MAP1A: variants seen among roughly 807,000 people sequenced by gnomAD.
The protein encoded by MAP1A is microtubule-associated protein 1A.
Under a neutral mutation model 185.9 loss-of-function variants are expected in MAP1A, and 42 were observed. The observed-to-expected ratio is 0.23, with a 90% confidence interval of 0.18 to 0.29. MAP1A has a LOEUF of 0.29. Among genes scored for constraint, MAP1A ranks in the 10% least tolerant of loss-of-function variants. MAP1A has a pLI of 1.00. For missense variants in MAP1A, 2,995 were observed against 3,450.4 expected, an observed-to-expected ratio of 0.87 and a Z score of 3.31; for synonymous variants, 1,229 against 1,335.9, an observed-to-expected ratio of 0.92 and a Z score of 1.74.
chr15:43,522,319 G>C lies in MAP1A; in HGVS notation c.846G>C (p.Lys282Asn). The change falls in exon 4 of 6, where the codon AAG becomes AAC. Residue 282 changes from lysine to asparagine, a missense_variant. Coordinates refer to ENST00000300231, the MANE Select transcript of MAP1A (RefSeq NM_002373.6). The surrounding 1 kb of genome is among the most constrained non-coding windows in gnomAD (Gnocchi z 5.9). ...ACAAGATCTTGGAGGGCCTAGAAAA[G>C]CTTCGGCATCTGGACTTCCTGCGTT... ...PQNKILEGLE[K>N]LRHLDFLRYP... 1 of 1,614,200 alleles carries C rather than the reference G, an allele frequency of 6.2e-7. No individual in the cohort carries two copies. Among genetic ancestry groups the C allele is most frequent in the Non-Finnish European group, 8.5e-7 (1 of 1,180,024 alleles).
rs3825791 is a variant in MAP1A at position 43,512,607 on chromosome 15, C to G, written c.340+316C>G. Among the ~76,000 whole-genome samples the G allele has an allele frequency of 6.9e-3, 1,046 of 152,336 alleles. 16 individuals are homozygous for G. The highest frequency in any genetic ancestry group is 0.038 in the East Asian group (197 of 5,180). ...ATCATCTCTCACGCAAAAATTCACT[C>G]TCTTCATTTGTGTTCCCCTTTCTGC... On this transcript the variant is annotated intron_variant, in intron 2 of 6. Coordinates refer to the MAP1A transcript ENST00000382031.
chr15:43,521,022 T>C lies in MAP1A; in HGVS notation c.-241T>C, dbSNP rs139830274. 1.3e-4 allele frequency: 208 copies of C among 1,550,112 alleles called. 2 individuals are homozygous for C. In the African/African-American group the frequency reaches 2.5e-3, roughly 19 times the overall value. On this transcript the variant is annotated 5_prime_UTR_variant, in exon 3 of 6. Coordinates refer to ENST00000300231, the MANE Select transcript of MAP1A (RefSeq NM_002373.6). The surrounding 1 kb of genome is among the most constrained non-coding windows in gnomAD (Gnocchi z 4.6). ...CAGCTTATAAACTACTAATCTTGAG[T>C]GGGCAAAGTTTAGAGCCTGGGGGAG...
chr15:43,516,811 G>C (rs1017363382), upstream of MAP1A, among the ~76,000 whole-genome samples: 1 of 152,170 alleles, frequency 6.6e-6, no homozygotes, highest in Admixed American at 6.5e-5. Context: ...TGCTTGGGCC[G>C]GAGGCCCTGG....
upstream of MAP1A, among the ~76,000 whole-genome samples, chr15:43,513,294 T>A (rs1358775621): frequency 6.6e-6 from 1 of 150,574 alleles, no homozygotes; most frequent in Non-Finnish European, 1.5e-5. Context: ...GCCATTGCAC[T>A]CCAGCCTGGG....
chr15:43,529,245 G>A lies in MAP1A; in HGVS notation c.7772G>A (p.Arg2591Lys), dbSNP rs779215998. ...DPEGLSSESG[R>K]VERLREKEKV... is the part of the protein sequence containing the mutation. ...GAGGGGCTCAGCTCAGAGTCTGGGA[G>A]AGTAGAGAGGCTACGGGAGAAGGAA... Residue 2591 changes from arginine (R) to lysine (K), a missense_variant, in exon 4 of 6, where the codon AGA (arginine) becomes AAA (lysine). By Grantham distance (26) the Arg-to-Lys change is conservative (BLOSUM62 2). This residue lies in a region of MAP1A where 2,728 missense variants were observed against 2,986.0 expected (regional missense o/e 0.91). Coordinates refer to ENST00000300231, the MANE Select transcript of MAP1A (RefSeq NM_002373.6). This position sits in a 1 kb window ranked among gnomAD's most constrained non-coding sequence, Gnocchi z 4.3. 15 of 1,613,212 alleles carry A rather than the reference G, an allele frequency of 9.3e-6. No individual in the cohort carries two copies. In the East Asian group the frequency reaches 2.9e-4, roughly 31 times the overall value.
chr15:43,519,018 A>G (rs529858033), intron 1 of MAP1A, among the ~76,000 whole-genome samples: 1 of 152,250 alleles, frequency 6.6e-6, no homozygotes, highest in Non-Finnish European at 1.5e-5. Context: ...GGAGGGGTAG[A>G]TAGAAAGCAA....
chr15:43,523,452 A>G lies in MAP1A; in HGVS notation c.1979A>G (p.Glu660Gly). The change falls in exon 4 of 6, where the codon GAA becomes GGA. Residue 660 changes from glutamate (E) to glycine (G), a missense_variant. Around this residue, in one of 3 missense-constraint regions of MAP1A, gnomAD observed 2,728 missense variants for 2,986.0 expected, o/e 0.91. Transcript: ENST00000300231. ...GTGATAGAAAAGGCTGAGTTAGAAG[A>G]AATGGAGGAGGTACACCCTTCAGAT... The part of the protein sequence containing the change: ...EDVIEKAELE[E>G]MEEVHPSDEE... 6.2e-7 allele frequency: 1 copy of G among 1,613,928 alleles called. No homozygotes were observed. Among genetic ancestry groups the G allele is most frequent in the Non-Finnish European group, 8.5e-7 (1 of 1,179,908 alleles).
At position 43,521,703 on chromosome 15, in the gene MAP1A, G is replaced by A. The variant is rs2140205004; in HGVS notation, c.230G>A (p.Arg77Gln). 1.9e-6 allele frequency: 3 copies of A among 1,614,168 alleles called. No homozygotes were observed. Among genetic ancestry groups the A allele is most frequent in the African/African-American group, 1.3e-5 (1 of 75,044 alleles). Residue 77 changes from arginine to glutamine, a missense_variant, in exon 4 of 6, where the codon CGG (arginine) becomes CAG (glutamine). Physicochemically the swap from Arg to Gln is conservative, Grantham distance 43. Transcript: ENST00000300231. This position sits in a 1 kb window ranked among gnomAD's most constrained non-coding sequence, Gnocchi z 4.6. ...AAGTCCTGTTTTTGGAAGCTGGTAC[G>A]GCACTTGGACCGCATTGACTCGGTG... ...DRKSCFWKLV[R>Q]HLDRIDSVLL...
rs758126316 is a variant in MAP1A, at chr15:43,523,306, C to A, written c.1833C>A (p.Asp611Glu). ...EEQGSKDRGLDSGAETEEEKD... is the reference protein window; with the variant it reads ...EEQGSKDRGLESGAETEEEKD... ...AAGGCAGCAAGGACAGAGGCCTAGACTCTGGGGCTGAAACAGAGGAAGAGA... is the reference window on the plus strand; with the variant it reads ...AAGGCAGCAAGGACAGAGGCCTAGAATCTGGGGCTGAAACAGAGGAAGAGA... The change falls in exon 4 of 6, where the codon GAC becomes GAA. Residue 611 changes from aspartate to glutamate, a missense_variant. Around this residue, in one of 3 missense-constraint regions of MAP1A, gnomAD observed 2,728 missense variants for 2,986.0 expected, o/e 0.91. Coordinates refer to ENST00000300231, the MANE Select transcript of MAP1A (RefSeq NM_002373.6). 1 of 1,612,178 alleles carries A rather than the reference C, an allele frequency of 6.2e-7. No individual in the cohort carries two copies. Among genetic ancestry groups the A allele is most frequent in the Non-Finnish European group, 8.5e-7 (1 of 1,179,108 alleles).
In MAP1A at chr15:43,521,135, T is replaced by A; in HGVS notation, c.-151+23T>A. The A allele has an allele frequency of 6.5e-7, 1 of 1,539,268 alleles. No homozygotes were observed. The highest frequency in any genetic ancestry group is 8.7e-7 in the Non-Finnish European group (1 of 1,145,364). ...GAGGTAAGTTCCATGCCAGAGTGTC[T>A]GGGAGAAAGGGTAGCACTAGAGCTG... On this transcript the variant is annotated intron_variant, in intron 3 of 5. Transcript: ENST00000300231. This position sits in a 1 kb window ranked among gnomAD's most constrained non-coding sequence, Gnocchi z 4.6.
chr15:43,520,872 G>A (rs2079316467), intron 2 of MAP1A, 100 bp from the exon 3 acceptor site: 26 of 1,347,748 alleles, frequency 1.9e-5, no homozygotes, highest in Middle Eastern at 1.8e-4. Flanking sequence ...GTGTTATGAG[G>A]GACATAAGTT....
At chr15:43,513,127 G>C (rs376229710), upstream of MAP1A, among the ~76,000 whole-genome samples, 1 of 151,960 alleles carries the variant, frequency 6.6e-6, no homozygotes, top group Admixed American at 6.5e-5. Flanking sequence ...TCGGGAGTTC[G>C]AGGCCAGCCT....
chr15:43,518,344 G>A (rs1188126680), intron 1 of MAP1A, among the ~76,000 whole-genome samples: 1 of 151,966 alleles, frequency 6.6e-6, no homozygotes, highest in Non-Finnish European at 1.5e-5. Flanking sequence ...GGCCACTCTG[G>A]AGACGGAGAA....
In MAP1A at chr15:43,521,163, G is replaced by A. The variant is rs961848296; in HGVS notation, c.-151+51G>A. 3.3e-6 allele frequency: 5 copies of A among 1,516,422 alleles called. No homozygotes were observed. In the Admixed American group the frequency reaches 1.0e-4, roughly 32 times the overall value. 93.9% of individuals were successfully genotyped at this position (1,516,422 alleles called of 1,614,324 possible). ...GAGAAAGGGTAGCACTAGAGCTGTG[G>A]GAGGGATCTAAGGGAAAGTCTCATA... is the stretch of plus-strand genomic sequence containing the variant. On this transcript the variant is annotated intron_variant, in intron 3 of 5. Transcript: ENST00000300231. The surrounding 1 kb of genome is among the most constrained non-coding windows in gnomAD (Gnocchi z 4.6).
chr15:43,512,416 G>A (rs1405719216), intron 2 of MAP1A: 13 of 659,628 alleles, frequency 2.0e-5, no homozygotes, highest in Middle Eastern at 3.2e-4. Flanking sequence ...TATAGAGGAG[G>A]AAAATCATGG....
rs2079303225 is a variant in MAP1A at position 43,517,669 on chromosome 15, C to T, written c.-406C>T. On this transcript the variant is annotated 5_prime_UTR_variant, in exon 1 of 6. Transcript: ENST00000300231. ...CTGCCGGCTGAGGCCGGAGCTGCCG[C>T]CTCCATGAGAGGCTTCCTCCTACAC... is the stretch of plus-strand genomic sequence containing the variant. 1 of 984,572 alleles carries T rather than the reference C, an allele frequency of 1.0e-6. No individual in the cohort carries two copies. Among genetic ancestry groups the T allele is most frequent in the African/African-American group, 1.8e-5 (1 of 56,962 alleles). 61.0% of individuals were successfully genotyped at this position (984,572 alleles called of 1,614,324 possible).
Position 43,528,080 on chromosome 15 carries a change from G to A in MAP1A, c.6607G>A (p.Ala2203Thr). The A allele has an allele frequency of 6.2e-7, 1 of 1,613,942 alleles. No individual in the cohort carries two copies. The highest frequency in any genetic ancestry group is 8.5e-7 in the Non-Finnish European group (1 of 1,180,014). Residue 2203 changes from alanine to threonine, a missense_variant, in exon 4 of 6, where the codon GCT becomes ACT. Coordinates refer to ENST00000300231, the MANE Select transcript of MAP1A (RefSeq NM_002373.6). ...TGCCTTCTCTGGGGATCGAGCTCTG[G>A]CTCTGGCTCCAGGACCCCCCACCAG... ...SLAFSGDRAL[A>T]LAPGPPTRTR...
chr15:43,520,947 G>A, intron 2 of MAP1A, 25 bp from the exon 3 acceptor site: 3 of 1,546,036 alleles, frequency 1.9e-6, no homozygotes, highest in Non-Finnish European at 2.6e-6. Context: ...CTATATCTGT[G>A]ACCACTCCCC....
At chr15:43,514,225 A>G (rs1454497624), upstream of MAP1A, among the ~76,000 whole-genome samples, 1 of 152,204 alleles carries the variant, frequency 6.6e-6, no homozygotes, top group African/African-American at 2.4e-5. Context: ...GGCATACTGC[A>G]TATTTTTAGG....
Sources: gnomAD v4.1 joint callset for allele counts (sites outside exome capture counted in the v4.1 genomes callset) on GRCh38, gnomAD v4.1.1 for gene constraint, gnomAD v4.1.1 regional missense constraint, Gnocchi (gnomAD v3.1) non-coding constraint, MANE v1.5 for transcripts, NCBI Gene and HGNC (gene_info 2026-07-23, HGNC 2026-07-21) for gene names.